TMTC2: variants seen among roughly 807,000 people sequenced by gnomAD.
TMTC2 encodes protein O-mannosyl-transferase TMTC2.
TMTC2 carries 43 observed loss-of-function variants against 82.4 expected under a neutral mutation model. The ratio of observed to expected loss-of-function variants is 0.52; its 90% confidence interval spans 0.41 to 0.67. The LOEUF (loss-of-function observed/expected upper bound fraction) is 0.67, where lower values mean the gene tolerates loss of function less well. TMTC2 is among the 30% of genes least tolerant of loss of function. The pLI, the probability that TMTC2 is intolerant of heterozygous loss-of-function variation, is 0.00. For missense variants in TMTC2, 919 were observed against 1,012.4 expected (o/e 0.91, Z 1.25); for synonymous variants, 408 against 381.9 (o/e 1.07, Z -0.80).
chr12:82,788,416 T>C (rs1592522598), intron 1 of TMTC2, among the ~76,000 whole-genome samples: 5 of 152,176 alleles, frequency 3.3e-5, no homozygotes, highest in Admixed American at 3.3e-4. Flanking sequence ...TGAATTTTCA[T>C]GGGTACATGA....
chr12:82,924,099 A>T (rs1271932249), intron 3 of TMTC2, among the ~76,000 whole-genome samples: 3 of 152,218 alleles, frequency 2.0e-5, no homozygotes, highest in Non-Finnish European at 2.9e-5. Context: ...AGGATAATGA[A>T]ATCCTCTGTC....
chr12:82,940,518 C>G (rs373370644), intron 4 of TMTC2, among the ~76,000 whole-genome samples: 37 of 151,280 alleles, frequency 2.4e-4, no homozygotes, highest in African/African-American at 8.2e-4. Context: ...CCTAGATATG[C>G]GTAATTTCAA....
intron 9 of TMTC2, 142 bp downstream of exon 9, chr12:83,031,021 C>A: frequency 1.7e-6 from 1 of 586,548 alleles, no homozygotes; most frequent in South Asian, 2.4e-5. Flanking sequence ...ATATTCCTAC[C>A]TTCTCATTCA....
chr12:82,759,234 G>T (rs986900044), intron 1 of TMTC2: 10 of 152,186 alleles, frequency 6.6e-5, no homozygotes, highest in African/African-American at 2.4e-4. Flanking sequence ...ATGTGTCTCA[G>T]TGCTCTAGTG....
intron 1 of TMTC2, among the ~76,000 whole-genome samples, chr12:82,795,704 T>G (rs1878686323): frequency 6.6e-6 from 1 of 152,148 alleles, no homozygotes; most frequent in African/African-American, 2.4e-5. Flanking sequence ...TTCCACCATG[T>G]GGAGACACGA....
intron 1 of TMTC2, among the ~76,000 whole-genome samples, chr12:82,827,862 T>G (rs1006138147): frequency 1.3e-5 from 2 of 151,560 alleles, no homozygotes; most frequent in Non-Finnish European, 2.9e-5. Context: ...CATGTCCAGC[T>G]TATTTTTTTT....
intron 10 of TMTC2, among the ~76,000 whole-genome samples, chr12:83,058,444 C>A (rs1882624036): frequency 6.6e-6 from 1 of 151,966 alleles, no homozygotes; most frequent in Admixed American, 6.6e-5. Flanking sequence ...CTTCCTTACC[C>A]TTCCTGGCCC....
chr12:83,117,316 G>A (rs575879433), intron 11 of TMTC2, among the ~76,000 whole-genome samples: 16 of 152,158 alleles, frequency 1.1e-4, no homozygotes, highest in East Asian at 7.7e-4. Flanking sequence ...GGACATAACC[G>A]AAAAAGGAAA....
chr12:82,776,941 TA>T (rs2137003050), intron 1 of TMTC2, among the ~76,000 whole-genome samples: 1 of 152,112 alleles, frequency 6.6e-6, no homozygotes, highest in South Asian at 2.1e-4. Context: ...CTCTAAAACA[TA>T]AACAAATAAA....
chr12:82,745,304 T>C (rs935935085), intron 1 of TMTC2, among the ~76,000 whole-genome samples: 1 of 152,168 alleles, frequency 6.6e-6, no homozygotes, highest in African/African-American at 2.4e-5. Flanking sequence ...GAAAACCTTT[T>C]GTAGTGTCTG....
chr12:82,893,342 G>T (rs1873492268), intron 2 of TMTC2, among the ~76,000 whole-genome samples: 1 of 146,412 alleles, frequency 6.8e-6, no homozygotes, highest in South Asian at 2.1e-4. Flanking sequence ...CTGCACTTCA[G>T]CCTGGCGACA....
intron 2 of TMTC2, among the ~76,000 whole-genome samples, chr12:82,891,890 C>T (rs1223132225): frequency 6.6e-6 from 1 of 152,038 alleles, no homozygotes; most frequent in Non-Finnish European, 1.5e-5. Context: ...CACTCACCAG[C>T]CTGGGTAACA....
At position 82,825,667 on chromosome 12, in the gene TMTC2, A is replaced by G. The variant is rs562630833; in HGVS notation, c.84-31343A>G. ...TAAAAAATCTCTCCCAAATATGTGT[A>G]TGTATTTACATATGCCATATAAACA... On this transcript the variant is annotated intron_variant, in intron 1 of 11. Transcript: ENST00000321196. Among the ~76,000 whole-genome samples the G allele has an allele frequency of 4.6e-5, 7 of 152,352 alleles. No homozygotes were observed. In the South Asian group the frequency reaches 8.3e-4, roughly 18 times the overall value.
intron 11 of TMTC2, among the ~76,000 whole-genome samples, chr12:83,067,015 C>T (rs1233093624): frequency 6.6e-6 from 1 of 151,754 alleles, no homozygotes; most frequent in African/African-American, 2.4e-5. Context: ...TGGGTAACAT[C>T]AACAATGGAG....
chr12:83,092,481 C>G (rs879620234), intron 11 of TMTC2, among the ~76,000 whole-genome samples: 4 of 152,072 alleles, frequency 2.6e-5, no homozygotes, highest in Non-Finnish European at 5.9e-5. Context: ...ATAATTATGC[C>G]CCTGAATCTA....
chr12:82,779,258 G>A (rs868412319), intron 1 of TMTC2, among the ~76,000 whole-genome samples: 1 of 152,040 alleles, frequency 6.6e-6, no homozygotes, highest in African/African-American at 2.4e-5. Context: ...AGTGGGAAAA[G>A]TTGGTGAGGG....
intron 8 of TMTC2, among the ~76,000 whole-genome samples, chr12:83,012,006 A>G (rs1880484706): frequency 6.6e-6 from 1 of 152,208 alleles, no homozygotes; most frequent in Admixed American, 6.5e-5. Context: ...TGAAGCTTTC[A>G]GTCAGGCCGT....
intron 1 of TMTC2, among the ~76,000 whole-genome samples, chr12:82,781,308 T>G (rs1877890230): frequency 6.6e-6 from 1 of 151,762 alleles, no homozygotes; most frequent in Non-Finnish European, 1.5e-5. Flanking sequence ...TTTTTATTGC[T>G]AGGAGAATGG....
intron 11 of TMTC2, among the ~76,000 whole-genome samples, chr12:83,107,772 C>CT (rs869057819): frequency 3.5e-4 from 1 of 2,870 alleles, no homozygotes; most frequent in Non-Finnish European, 9.3e-4. Flanking sequence ...ATCCTTATGA[C>CT]CCCCCGTGCC....
Sources: gnomAD v4.1 joint callset for allele counts (sites outside exome capture counted in the v4.1 genomes callset) on GRCh38, gnomAD v4.1.1 for gene constraint, MANE v1.5 for transcripts, NCBI Gene and HGNC (gene_info 2026-07-23, HGNC 2026-07-21) for gene names.